TUSC3: variants seen among roughly 807,000 people sequenced by gnomAD.
TUSC3 encodes dolichyl-diphosphooligosaccharide--protein glycosyltransferase subunit TUSC3.
In TUSC3, 45 loss-of-function variants were observed where a neutral mutation model predicts 44.8. The observed-to-expected ratio is 1.00, with a 90% CI of 0.79 to 1.29. The LOEUF is 1.29. TUSC3 is among the 50% of genes most tolerant of loss of function. The pLI, the probability that TUSC3 is intolerant of heterozygous loss-of-function variation, is 0.00. For missense variants in TUSC3, 519 were observed against 437.9 expected (o/e 1.19, Z -1.65); for synonymous variants, 212 against 152.9 (o/e 1.39, Z -2.85).
chr8:15,779,630 G>A, the TUSC3 span, among the ~76,000 whole-genome samples: 1 of 152,138 alleles, frequency 6.6e-6, no homozygotes, highest in African/African-American at 2.4e-5. Context: ...CTGAAAAGAG[G>A]AAGAGTAAAA....
At chr8:15,744,595 C>G (rs1328646172) in intron 8 of TUSC3, among the ~76,000 whole-genome samples, 4 of 152,054 alleles carry the variant, frequency 2.6e-5, no homozygotes, top group Non-Finnish European at 4.4e-5. Flanking sequence ...ATAGTGCTTT[C>G]TAAATACTTA....
At chr8:15,678,954 G>A (rs1338752675) in intron 6 of TUSC3, among the ~76,000 whole-genome samples, 2 of 152,170 alleles carry the variant, frequency 1.3e-5, no homozygotes, top group African/African-American at 4.8e-5. Context: ...TTATTGTGCT[G>A]CATAGTATTC....
At chr8:15,686,003 A>T (rs1355720004) in intron 6 of TUSC3, among the ~76,000 whole-genome samples, 2 of 152,166 alleles carry the variant, frequency 1.3e-5, no homozygotes, top group African/African-American at 4.8e-5. Context: ...AATACAGAGA[A>T]TATAAAGAAA....
At chr8:15,697,184 A>C (rs1295075417) in intron 6 of TUSC3, among the ~76,000 whole-genome samples, 1 of 152,052 alleles carries the variant, frequency 6.6e-6, no homozygotes, top group Non-Finnish European at 1.5e-5. Flanking sequence ...TTCTTGGTTA[A>C]TCTTGCTAAT....
intron 1 of TUSC3, among the ~76,000 whole-genome samples, chr8:15,436,301 C>G (rs1209019471): frequency 6.6e-6 from 1 of 152,146 alleles, no homozygotes; most frequent in African/African-American, 2.4e-5. Flanking sequence ...AGATCCCTGC[C>G]TCGTGGACTT....
chr8:15,710,583 T>C (rs1234332435), intron 6 of TUSC3, among the ~76,000 whole-genome samples: 1 of 151,704 alleles, frequency 6.6e-6, no homozygotes, highest in African/African-American at 2.4e-5. Flanking sequence ...TCCACTGTCA[T>C]TTTTCCAGTT....
chr8:15,788,701 T>G, the TUSC3 span, among the ~76,000 whole-genome samples: 1 of 152,232 alleles, frequency 6.6e-6, no homozygotes, highest in East Asian at 1.9e-4. Context: ...CTGCAGCCTT[T>G]TATTTCATCA....
At chr8:15,539,173 G>A (rs1801585882), upstream of TUSC3, among the ~76,000 whole-genome samples, 1 of 151,740 alleles carries the variant, frequency 6.6e-6, no homozygotes, top group Non-Finnish European at 1.5e-5. Context: ...AATTTCATGC[G>A]TTTAGAAATA....
chr8:15,826,871 C>A, the TUSC3 span, among the ~76,000 whole-genome samples: 3 of 152,084 alleles, frequency 2.0e-5, no homozygotes, highest in Non-Finnish European at 4.4e-5. Context: ...AGGAGTATAT[C>A]CAGCCTTACC....
intron 10 of TUSC3, among the ~76,000 whole-genome samples, chr8:15,761,953 A>G (rs1025218161): frequency 1.3e-5 from 2 of 152,104 alleles, no homozygotes; most frequent in African/African-American, 4.8e-5. Flanking sequence ...GGAAAAAAAT[A>G]CGTGTCAGAT....
intron 7 of TUSC3, among the ~76,000 whole-genome samples, chr8:15,741,695 A>T (rs955918976): frequency 1.9e-4 from 28 of 147,098 alleles, no homozygotes; most frequent in Non-Finnish European, 3.6e-4. Context: ...TCTAAAAATT[A>T]AAAAAAAAAA....
At chr8:15,798,516 G>C in the TUSC3 span, among the ~76,000 whole-genome samples, 1 of 152,136 alleles carries the variant, frequency 6.6e-6, no homozygotes, top group South Asian at 2.1e-4. Context: ...GTGAAGGATA[G>C]TACAGAGAAA....
chr8:15,704,397 A>G lies in TUSC3; in HGVS notation c.799-26269A>G, dbSNP rs115763346. ...AAGAGCACAAGTTGACATGTGTTCT[A>G]TATAAGCCTTGTAAACTCTGTTAGG... On this transcript the variant is annotated intron_variant, in intron 6 of 10. Coordinates refer to ENST00000503731, the MANE Select transcript of TUSC3 (RefSeq NM_006765.4). Among the ~76,000 whole-genome samples the G allele has an allele frequency of 3.9e-3, 593 of 151,932 alleles. 5 individuals are homozygous for G. Among genetic ancestry groups the G allele is most frequent in the African/African-American group, 0.014 (579 of 41,496 alleles).
chr8:15,734,470 T>C (rs1209694000), intron 7 of TUSC3, among the ~76,000 whole-genome samples: 1 of 152,206 alleles, frequency 6.6e-6, no homozygotes, highest in Non-Finnish European at 1.5e-5. Flanking sequence ...CATTATATTT[T>C]AATATGGAAT....
intron 2 of TUSC3, among the ~76,000 whole-genome samples, chr8:15,646,693 A>G (rs1264250907): frequency 6.6e-6 from 1 of 152,156 alleles, no homozygotes; most frequent in Non-Finnish European, 1.5e-5. Flanking sequence ...GAACTGCAGA[A>G]GAGGCCCTTG....
chr8:15,496,281 C>G (rs1183865018), intron 2 of TUSC3, among the ~76,000 whole-genome samples: 1 of 152,178 alleles, frequency 6.6e-6, no homozygotes, highest in South Asian at 2.1e-4. Context: ...ATGTTCTGCC[C>G]TCTGCTAAAG....
chr8:15,523,718 A>ATG (rs1370323903), intron 2 of TUSC3, among the ~76,000 whole-genome samples: 2 of 124,836 alleles, frequency 1.6e-5, no homozygotes, highest in African/African-American at 3.1e-5. Flanking sequence ...GTATATATAT[A>ATG]TATATATAAA....
intron 2 of TUSC3, among the ~76,000 whole-genome samples, chr8:15,627,503 A>C (rs113813579): frequency 2.6e-5 from 4 of 152,356 alleles, no homozygotes; most frequent in African/African-American, 9.6e-5. Flanking sequence ...TGTAATACAA[A>C]GAGGGCTGGA....
intron 1 of TUSC3, among the ~76,000 whole-genome samples, chr8:15,598,563 A>C (rs1804158590): frequency 9.2e-6 from 1 of 108,330 alleles, no homozygotes; most frequent in Non-Finnish European, 2.0e-5. Context: ...ATCCATCATT[A>C]TAATGGATAA....
Sources: gnomAD v4.1 joint callset for allele counts (sites outside exome capture counted in the v4.1 genomes callset) on GRCh38, gnomAD v4.1.1 for gene constraint, MANE v1.5 for transcripts, NCBI Gene and HGNC (gene_info 2026-07-23, HGNC 2026-07-21) for gene names.